PPP2R2B: variants seen among roughly 807,000 people sequenced by gnomAD.
PPP2R2B encodes the protein protein phosphatase 2 regulatory subunit Bbeta, also known as serine/threonine-protein phosphatase 2A 55 kDa regulatory subunit B beta isoform.
A neutral mutation model predicts 46.0 loss-of-function variants in PPP2R2B; 5 were observed. The observed-to-expected ratio is 0.11, with a 90% CI of 0.06 to 0.23. The LOEUF is 0.23. PPP2R2B is among the 10% of genes least tolerant of loss of function. The pLI is 1.00. For synonymous variants in PPP2R2B, 215 were observed against 206.7 expected, an observed-to-expected ratio of 1.04 and a Z score of -0.34; for missense variants, 367 against 575.0, an observed-to-expected ratio of 0.64 and a Z score of 3.70.
At chr5:146,871,438 G>T (rs112916527) in intron 2 of PPP2R2B, among the ~76,000 whole-genome samples, 2,723 of 152,266 alleles carry the variant, frequency 0.018, 31 homozygotes, top group Middle Eastern at 0.041. Context: ...CATGGAGAAA[G>T]CTATTCAAAA....
intron 2 of PPP2R2B, among the ~76,000 whole-genome samples, chr5:146,734,214 C>T (rs989318362): frequency 6.6e-6 from 1 of 152,002 alleles, no homozygotes; most frequent in African/African-American, 2.4e-5. Flanking sequence ...CACCACCATA[C>T]CTGGCTAATG....
intron 2 of PPP2R2B, among the ~76,000 whole-genome samples, chr5:146,714,423 G>A (rs1412960703): frequency 6.6e-6 from 1 of 152,108 alleles, no homozygotes; most frequent in Non-Finnish European, 1.5e-5. Context: ...AGATGGTAAG[G>A]AAAGTGGGAT....
chr5:146,873,847 C>G (rs1761748178), intron 2 of PPP2R2B, among the ~76,000 whole-genome samples: 1 of 152,206 alleles, frequency 6.6e-6, no homozygotes, highest in Non-Finnish European at 1.5e-5. Context: ...TAGCATTAAT[C>G]TTTCTTGCTT....
chr5:146,707,563 G>T, intron 2 of PPP2R2B: 2 of 713,450 alleles, frequency 2.8e-6, no homozygotes, highest in Non-Finnish European at 2.6e-6. Flanking sequence ...TGCCAGAGGT[G>T]GACACCTTGT....
intron 2 of PPP2R2B, among the ~76,000 whole-genome samples, chr5:146,854,354 T>C (rs1016973193): frequency 6.6e-6 from 1 of 152,298 alleles, no homozygotes; most frequent in East Asian, 1.9e-4. Flanking sequence ...ATGCATAGAA[T>C]GTATAATGAT....
At chr5:146,652,911 T>C (rs1776072930) in intron 5 of PPP2R2B, among the ~76,000 whole-genome samples, 1 of 152,146 alleles carries the variant, frequency 6.6e-6, no homozygotes, top group South Asian at 2.1e-4. Flanking sequence ...TGAGGTAGAA[T>C]TTTTAAAGTG....
rs530585720 is a variant in PPP2R2B at position 146,959,861 on chromosome 5, G to T, written c.79+95804C>A. On this transcript the variant is annotated intron_variant, in intron 1 of 8. Transcript: ENST00000336640. ...AGCTGACATACTAAGGAAGAACAAGGGAGACTAGAAGCAGAGTAGGGAGAC... is the reference window on the plus strand; with the variant it reads ...AGCTGACATACTAAGGAAGAACAAGTGAGACTAGAAGCAGAGTAGGGAGAC... 2.0e-5 allele frequency among the ~76,000 whole-genome samples: 3 copies of T among 152,238 alleles called. No individual in the cohort carries two copies. The East Asian group carries it at 5.8e-4, about 29-fold the overall frequency.
At chr5:146,687,145 C>T (rs1414128405) in intron 5 of PPP2R2B, among the ~76,000 whole-genome samples, 1 of 151,942 alleles carries the variant, frequency 6.6e-6, no homozygotes, top group African/African-American at 2.4e-5. Flanking sequence ...ATCCCCTCAC[C>T]TGGAATAATA....
chr5:146,792,170 C>A (rs1290630587), intron 2 of PPP2R2B, among the ~76,000 whole-genome samples: 6 of 152,144 alleles, frequency 3.9e-5, no homozygotes, highest in Non-Finnish European at 4.4e-5. Context: ...CTAGATCAAG[C>A]CTTACTCAAA....
chr5:146,814,214 T>C (rs1757797983), intron 2 of PPP2R2B, among the ~76,000 whole-genome samples: 1 of 150,726 alleles, frequency 6.6e-6, no homozygotes, highest in African/African-American at 2.4e-5. Context: ...AAACCCTCCA[T>C]ATCCTATGGT....
chr5:146,899,480 G>C (rs985040548), intron 1 of PPP2R2B, among the ~76,000 whole-genome samples: 1 of 121,530 alleles, frequency 8.2e-6, no homozygotes, highest in Non-Finnish European at 1.7e-5. Context: ...GTTGTGGGGT[G>C]GGGGGAGGGG....
chr5:146,750,631 T>A (rs571563541), intron 2 of PPP2R2B, among the ~76,000 whole-genome samples: 1 of 152,184 alleles, frequency 6.6e-6, no homozygotes, highest in South Asian at 2.1e-4. Context: ...AGAAACATAA[T>A]AAGGAATGGT....
At chr5:147,031,324 T>A (rs2151891698) in intron 1 of PPP2R2B, among the ~76,000 whole-genome samples, 1 of 152,334 alleles carries the variant, frequency 6.6e-6, no homozygotes, top group Admixed American at 6.5e-5. Flanking sequence ...CTTTCAGCAT[T>A]TTAAAGCTGT....
intron 2 of PPP2R2B, among the ~76,000 whole-genome samples, chr5:146,877,060 C>G (rs1452904985): frequency 1.3e-5 from 2 of 152,192 alleles, no homozygotes; most frequent in Non-Finnish European, 2.9e-5. Flanking sequence ...TAATGCAACA[C>G]TTTGTATGAG....
intron 5 of PPP2R2B, among the ~76,000 whole-genome samples, chr5:146,657,818 C>A (rs887945067): frequency 2.6e-5 from 4 of 152,154 alleles, no homozygotes; most frequent in African/African-American, 9.7e-5. Context: ...CACACTTGCT[C>A]CATATCTCCT....
intron 1 of PPP2R2B, among the ~76,000 whole-genome samples, chr5:146,901,998 G>A (rs1762850406): frequency 1.3e-5 from 2 of 152,116 alleles, no homozygotes; most frequent in African/African-American, 4.8e-5. Flanking sequence ...TAAGAAATTA[G>A]AAGACAATTC....
intron 2 of PPP2R2B, among the ~76,000 whole-genome samples, chr5:146,807,318 T>C (rs564916580): frequency 6.6e-6 from 1 of 152,288 alleles, no homozygotes; most frequent in East Asian, 1.9e-4. Flanking sequence ...CATGGCAGTA[T>C]GTTTTTGCTT....
intron 1 of PPP2R2B, among the ~76,000 whole-genome samples, chr5:146,910,431 C>A (rs1372608403): frequency 6.6e-6 from 1 of 152,170 alleles, no homozygotes; most frequent in Non-Finnish European, 1.5e-5. Context: ...TGGTGTTATG[C>A]AAGGTTGGGA....
At chr5:146,949,734 T>TAAC (rs1764594120) in intron 1 of PPP2R2B, among the ~76,000 whole-genome samples, 1 of 152,044 alleles carries the variant, frequency 6.6e-6, no homozygotes, top group Non-Finnish European at 1.5e-5. Flanking sequence ...TCAGCACTAT[T>TAAC]AACAGTATCA....
Sources: allele counts gnomAD v4.1 joint callset (sites outside exome capture counted in the v4.1 genomes callset), GRCh38; gene constraint gnomAD v4.1.1; transcripts MANE v1.5; gene names NCBI Gene and HGNC (gene_info 2026-07-23, HGNC 2026-07-21).